MFN2: variants seen among roughly 807,000 people sequenced by gnomAD.
MFN2 encodes mitofusin-2.
A neutral mutation model predicts 87.5 loss-of-function variants in MFN2; 43 were observed. The ratio of observed to expected loss-of-function variants is 0.49; its 90% CI spans 0.38 to 0.63. The LOEUF is 0.63. Ranked by LOEUF, MFN2 falls within the 30% of genes least tolerant of loss-of-function variation. The pLI, the probability that MFN2 is intolerant of heterozygous loss-of-function variation, is 0.00. For missense variants in MFN2, 743 were observed against 972.8 expected (o/e 0.76, Z 3.14); for synonymous variants, 337 against 359.9 (o/e 0.94, Z 0.72).
intron 6 of MFN2, among the ~76,000 whole-genome samples, chr1:11,998,565 A>G (rs1639032847): frequency 6.6e-6 from 1 of 152,072 alleles, no homozygotes; most frequent in Non-Finnish European, 1.5e-5. Flanking sequence ...AAAACAAAAC[A>G]AAACAAAACA....
chr1:12,004,705 A>G lies in MFN2; in HGVS notation c.1392+92A>G. 3.3e-6 allele frequency: 5 copies of G among 1,495,504 alleles called. No individual in the cohort carries two copies. The South Asian group carries it at 5.7e-5, about 17-fold the overall frequency. The allele number at this position is 1,495,504 out of a possible 1,614,324, so 92.6% of individuals were successfully genotyped here. ...TGGGTCAGGGCCCCCCAGCAGTGAC[A>G]GTAGAAGCCACAGAGACAAGGCCCA... On this transcript the variant is annotated intron_variant, in intron 13 of 18. Coordinates refer to ENST00000235329, the MANE Select transcript of MFN2 (RefSeq NM_014874.4). This position sits in a 1 kb window ranked among gnomAD's most constrained non-coding sequence, Gnocchi z 4.2.
chr1:12,005,563 C>T, intron 14 of MFN2, 148 bp from the exon 15 acceptor site: 1 of 849,504 alleles, frequency 1.2e-6, no homozygotes, highest in Non-Finnish European at 2.0e-6. Context: ...TGCTCAGTCT[C>T]ACGGGCCAAC....
Position 11,992,546 on chromosome 1 carries a change from C to T in MFN2, c.176-9C>T. The T allele has an allele frequency of 6.2e-7, 1 of 1,614,190 alleles. No individual in the cohort carries two copies. Among genetic ancestry groups the T allele is most frequent in the Non-Finnish European group, 8.5e-7 (1 of 1,180,022 alleles). On this transcript the variant is annotated splice_polypyrimidine_tract_variant and intron_variant, in intron 3 of 18. Coordinates refer to ENST00000235329, the MANE Select transcript of MFN2 (RefSeq NM_014874.4). ...CACGTGGTGACCCATTTTCAATCCCCACCTCCAGACACGTACAGGAATGCA... is the reference window on the plus strand; with the variant it reads ...CACGTGGTGACCCATTTTCAATCCCTACCTCCAGACACGTACAGGAATGCA...
Position 12,003,870 on chromosome 1 carries a change from C to T in MFN2, c.1161-122C>T, listed in dbSNP as rs991097403. 2.7e-5 allele frequency: 35 copies of T among 1,290,906 alleles called. No homozygotes were observed. The highest frequency in any genetic ancestry group is 1.4e-4 in the East Asian group (6 of 42,982). The allele number at this position is 1,290,906 out of a possible 1,614,324, so 80.0% of individuals were successfully genotyped here. On this transcript the variant is annotated intron_variant, in intron 11 of 18. Transcript: ENST00000235329. This position sits in a 1 kb window ranked among gnomAD's most constrained non-coding sequence, Gnocchi z 4.1. ...AAGGGGAAGGCCATGCCCCTGGGTG[C>T]GTGTGTGCAGCCCTGCCAGGCAAGA... is the stretch of plus-strand genomic sequence containing the variant.
chr1:12,003,969 T>C lies in MFN2; in HGVS notation c.1161-23T>C, dbSNP rs181036091. 6.2e-7 allele frequency: 1 copy of C among 1,614,144 alleles called. No individual in the cohort carries two copies. On this transcript the variant is annotated intron_variant, in intron 11 of 18. Coordinates refer to ENST00000235329, the MANE Select transcript of MFN2 (RefSeq NM_014874.4). This position sits in a 1 kb window ranked among gnomAD's most constrained non-coding sequence, Gnocchi z 4.1. The stretch of plus-strand genomic sequence containing the variant: ...GCTTAGTCAGACAGGAACATGGATT[T>C]CTCACCAGTACTCTGCTTTCAGGGT...
At position 12,004,242 on chromosome 1, in the gene MFN2, G is replaced by A; in HGVS notation, c.1287+124G>A. The A allele has an allele frequency of 4.5e-6, 6 of 1,346,960 alleles. No individual in the cohort carries two copies. The highest frequency in any genetic ancestry group is 6.2e-6 in the Non-Finnish European group (6 of 960,548). The allele number at this position is 1,346,960 out of a possible 1,614,324, so 83.4% of individuals were successfully genotyped here. A position where few individuals can be genotyped will look rare whatever the true frequency, so the allele number is the denominator to read the frequency against. On this transcript the variant is annotated intron_variant, in intron 12 of 18. Coordinates refer to ENST00000235329, the MANE Select transcript of MFN2 (RefSeq NM_014874.4). The surrounding 1 kb of genome is among the most constrained non-coding windows in gnomAD (Gnocchi z 4.2). ...GAAGAAAGTTGTGGCCCTGTTTCAA[G>A]AATACAGAGCTGCCGTTTGGGTTCC...
chr1:12,010,039 A>G (rs1027613450), intron 18 of MFN2, among the ~76,000 whole-genome samples: 5 of 152,188 alleles, frequency 3.3e-5, no homozygotes, highest in Non-Finnish European at 7.3e-5. Context: ...TTGTAATCCC[A>G]GCCACTCGAC....
Position 12,007,040 on chromosome 1 carries a change from A to T in MFN2, c.1873-13A>T, listed in dbSNP as rs780054024. ...AGAGAGGCTGCACTCCAGGCTGACC[A>T]TGTGCTCTGCAGGTGTGGAAGGCAG... On this transcript the variant is annotated splice_polypyrimidine_tract_variant and intron_variant, in intron 16 of 18. Transcript: ENST00000235329. 1 of 1,612,870 alleles carries T rather than the reference A, an allele frequency of 6.2e-7. No individual in the cohort carries two copies. Among genetic ancestry groups the T allele is most frequent in the African/African-American group, 1.3e-5 (1 of 74,874 alleles).
Position 12,003,902 on chromosome 1 carries a change from G to A in MFN2, c.1161-90G>A. On this transcript the variant is annotated intron_variant, in intron 11 of 18. Transcript: ENST00000235329. This position sits in a 1 kb window ranked among gnomAD's most constrained non-coding sequence, Gnocchi z 4.1. ...GCAGCCCTGCCAGGCAAGATAGCGG[G>A]CAGGGCGGCGTGGGATTTCTGGCAT... 1 of 1,557,878 alleles carries A rather than the reference G, an allele frequency of 6.4e-7. No individual in the cohort carries two copies. Among genetic ancestry groups the A allele is most frequent in the Non-Finnish European group, 8.8e-7 (1 of 1,131,700 alleles).
intron 2 of MFN2, among the ~76,000 whole-genome samples, chr1:11,987,935 C>T (rs1638492586): frequency 2.0e-5 from 3 of 152,194 alleles, no homozygotes; most frequent in Middle Eastern, 6.8e-3. Flanking sequence ...CAGGTAACAG[C>T]GAGATCTTGT....
At chr1:12,009,840 AT>A in intron 18 of MFN2, 114 bp downstream of exon 18, 1 of 1,477,496 alleles carries the variant, frequency 6.8e-7, no homozygotes, top group Non-Finnish European at 9.3e-7. Context: ...TCTGGTGGGG[AT>A]TTAGCTCATT....
chr1:12,009,781 A>T (rs758758663), intron 18 of MFN2, 55 bp downstream of exon 18: 1 of 1,611,900 alleles, frequency 6.2e-7, no homozygotes, highest in Non-Finnish European at 8.5e-7. Context: ...GCCCAGGCAC[A>T]CTGGGGCTCA....
At chr1:11,995,573 C>T (rs942996531) in intron 4 of MFN2, among the ~76,000 whole-genome samples, 6 of 151,954 alleles carry the variant, frequency 3.9e-5, no homozygotes, top group South Asian at 4.2e-4. Context: ...GCAGAGGTTG[C>T]GATGAGCTGA....
intron 18 of MFN2, among the ~76,000 whole-genome samples, chr1:12,010,105 G>A (rs1452544346): frequency 6.6e-6 from 1 of 152,106 alleles, no homozygotes; most frequent in Non-Finnish European, 1.5e-5. Context: ...AGTGAGCCGA[G>A]ATTATGCCAT....
chr1:12,001,736 T>G (rs751812018), intron 9 of MFN2, 33 bp from the exon 10 acceptor site: 2 of 1,613,322 alleles, frequency 1.2e-6, no homozygotes, highest in South Asian at 2.2e-5. Flanking sequence ...GCTGCCAAGT[T>G]GTTTCTGGAC....
rs752363939 is a variant in MFN2, at chr1:11,989,192, C to G, written c.24C>G (p.Cys8Trp). The G allele has an allele frequency of 8.7e-6, 14 of 1,614,142 alleles. No individual in the cohort carries two copies. The East Asian group carries it at 1.6e-4, about 18-fold the overall frequency. MSLLFSR[C>W]NSIVTVKKNK... ...CAATGTCCCTGCTCTTCTCTCGATG[C>G]AACTCTATCGTCACAGTCAAGAAAA... Residue 8 changes from cysteine (C) to tryptophan (W), a missense_variant, in exon 3 of 19, where the codon TGC becomes TGG. Around this residue, in one of 3 missense-constraint regions of MFN2, gnomAD observed 31 missense variants for 23.2 expected, o/e 1.33. Coordinates refer to ENST00000235329, the MANE Select transcript of MFN2 (RefSeq NM_014874.4).
intron 4 of MFN2, among the ~76,000 whole-genome samples, chr1:11,995,720 T>C (rs774289063): frequency 5.9e-5 from 9 of 151,920 alleles, no homozygotes; most frequent in African/African-American, 2.2e-4. Flanking sequence ...TGGAGCTTCA[T>C]GTGTAAGGAG....
intron 3 of MFN2, among the ~76,000 whole-genome samples, chr1:11,990,372 G>A (rs939364709): frequency 6.6e-6 from 1 of 152,190 alleles, no homozygotes; most frequent in Non-Finnish European, 1.5e-5. Flanking sequence ...AGTATGATTG[G>A]TAGTTGAAAT....
Position 12,012,900 on chromosome 1 carries a change from C to T in MFN2, c.*1335C>T, listed in dbSNP as rs566450566. On this transcript the variant is annotated 3_prime_UTR_variant, in exon 19 of 19. Coordinates refer to ENST00000235329, the MANE Select transcript of MFN2 (RefSeq NM_014874.4). ...GCAACACCTCTCCCAAAAAGCAGCC[C>T]ACAAGGCAGGGGCCCAGCAGCCCAG... 2.6e-5 allele frequency: 4 copies of T among 154,048 alleles called. No individual in the cohort carries two copies. The highest frequency in any genetic ancestry group is 2.0e-4 in the South Asian group (1 of 5,098). The allele number at this position is 154,048 out of a possible 1,614,324, so 9.5% of individuals were successfully genotyped here. A position where few individuals can be genotyped will look rare whatever the true frequency, so the allele number is the denominator to read the frequency against.
Sources: allele counts gnomAD v4.1 joint callset (sites outside exome capture counted in the v4.1 genomes callset), GRCh38; gene constraint gnomAD v4.1.1; regional missense constraint gnomAD v4.1.1; non-coding constraint Gnocchi (gnomAD v3.1); transcripts MANE v1.5; gene names NCBI Gene and HGNC (gene_info 2026-07-23, HGNC 2026-07-21).